Variants in PPFIA1 observed in about 807,000 individuals in gnomAD.
The protein encoded by PPFIA1 is liprin-alpha-1.
Under a neutral mutation model 149.9 loss-of-function variants are expected in PPFIA1, and 25 were observed. The observed-to-expected ratio is 0.17, with a 90% confidence interval of 0.12 to 0.23. The LOEUF (loss-of-function observed/expected upper bound fraction) is 0.23. Ranked by LOEUF, PPFIA1 falls within the 10% of genes least tolerant of loss-of-function variation. The pLI, the probability that PPFIA1 is intolerant of heterozygous loss-of-function variation, is 1.00. For synonymous variants in PPFIA1, 549 were observed against 552.8 expected (o/e 0.99, Z 0.10); for missense variants, 1,362 against 1,506.5 (o/e 0.90, Z 1.59).
intron 2 of PPFIA1, among the ~76,000 whole-genome samples, chr11:70,318,846 G>A (rs1343596737): frequency 1.3e-5 from 2 of 152,192 alleles, no homozygotes; most frequent in Admixed American, 6.5e-5. Context: ...GGGTTTCCTG[G>A]TTTTCCTCCT....
At chr11:70,353,059 GA>G (rs778846086) in intron 16 of PPFIA1, among the ~76,000 whole-genome samples, 20 of 152,200 alleles carry the variant, frequency 1.3e-4, no homozygotes, top group Non-Finnish European at 2.1e-4. Context: ...TGGAAATTAG[GA>G]AAGGATGCAG....
intron 19 of PPFIA1, chr11:70,358,381 C>T (rs1181404732): frequency 2.0e-5 from 3 of 152,116 alleles, no homozygotes; most frequent in African/African-American, 4.8e-5. Context: ...CCACCGTGCC[C>T]AGCTAATTTT....
chr11:70,380,036 C>T (rs900999428), intron 26 of PPFIA1, among the ~76,000 whole-genome samples: 8 of 152,212 alleles, frequency 5.3e-5, no homozygotes, highest in African/African-American at 1.7e-4. Context: ...GCTTCAATTT[C>T]AGTTTTCCTT....
intron 23 of PPFIA1, among the ~76,000 whole-genome samples, chr11:70,373,172 G>T (rs919911292): frequency 6.6e-6 from 1 of 152,174 alleles, no homozygotes; most frequent in Non-Finnish European, 1.5e-5. Context: ...TCTCTTCTCC[G>T]TTGGGGAGTC....
At chr11:70,361,391 G>A (rs1158451699) in intron 19 of PPFIA1, among the ~76,000 whole-genome samples, 2 of 152,082 alleles carry the variant, frequency 1.3e-5, no homozygotes, top group Non-Finnish European at 2.9e-5. Flanking sequence ...ATACCCAACG[G>A]AATGTAAGTG....
intron 15 of PPFIA1, 152 bp downstream of exon 15, chr11:70,344,044 G>A: frequency 1.2e-6 from 1 of 805,062 alleles, no homozygotes; most frequent in Non-Finnish European, 1.9e-6. Flanking sequence ...AGAATTTTAA[G>A]GTCTGAAATT....
chr11:70,349,243 C>T (rs1019734857), intron 16 of PPFIA1, among the ~76,000 whole-genome samples: 1 of 152,008 alleles, frequency 6.6e-6, no homozygotes, highest in Non-Finnish European at 1.5e-5. Context: ...TGGGCTTCTT[C>T]CCTTCACAGC....
intron 26 of PPFIA1, 134 bp downstream of exon 26, chr11:70,378,329 T>C (rs2057571875): frequency 7.5e-7 from 1 of 1,334,066 alleles, no homozygotes; most frequent in Non-Finnish European, 9.6e-7. Flanking sequence ...TGTCCAAATA[T>C]AAATGTTTTT....
At chr11:70,324,781 C>A in intron 3 of PPFIA1, 66 bp from the exon 4 acceptor site, 1 of 1,395,992 alleles carries the variant, frequency 7.2e-7, no homozygotes, top group Non-Finnish European at 9.7e-7. Flanking sequence ...GAGTTATTTG[C>A]CCCAGATTCA....
chr11:70,370,822 T>A (rs1005449012), intron 21 of PPFIA1, among the ~76,000 whole-genome samples: 47 of 152,288 alleles, frequency 3.1e-4, no homozygotes, highest in African/African-American at 1.0e-3. Context: ...TTTTAAAAAT[T>A]TTCTTTAAAT....
chr11:70,356,309 C>A (rs979691313), intron 19 of PPFIA1, 55 bp downstream of exon 19: 1 of 1,333,554 alleles, frequency 7.5e-7, no homozygotes, highest in Non-Finnish European at 1.1e-6. Flanking sequence ...TGTGCCTAAG[C>A]TCTAACTAGT....
At position 70,338,561 on chromosome 11, in the gene PPFIA1, G is replaced by A. The variant is rs539609961; in HGVS notation, c.1571+108G>A. 2.9e-5 allele frequency: 24 copies of A among 831,338 alleles called. No individual in the cohort carries two copies. The South Asian group carries it at 3.1e-4, about 11-fold the overall frequency. 51.5% of individuals were successfully genotyped at this position (831,338 alleles called of 1,614,324 possible). A position where few individuals can be genotyped will look rare whatever the true frequency, so the allele number is the denominator to read the frequency against. ...GTGGCTAATGGTGTGACCTCAAGGA[G>A]CCTGTAGCTTAGTAGGAAGCGAGAG... On this transcript the variant is annotated intron_variant, in intron 13 of 27. Transcript: ENST00000253925.
At chr11:70,367,134 TA>T (rs2056981771) in intron 21 of PPFIA1, among the ~76,000 whole-genome samples, 1 of 152,214 alleles carries the variant, frequency 6.6e-6, no homozygotes, top group African/African-American at 2.4e-5. Context: ...GTAAATTAAA[TA>T]AGCTTAACCT....
chr11:70,276,439 T>C (rs2050385479), intron 2 of PPFIA1, among the ~76,000 whole-genome samples: 1 of 152,188 alleles, frequency 6.6e-6, no homozygotes, highest in Non-Finnish European at 1.5e-5. Context: ...GTATTTTGTT[T>C]AGGATTATTG....
At chr11:70,298,876 G>GT (rs1286108462) in intron 2 of PPFIA1, among the ~76,000 whole-genome samples, 1 of 152,222 alleles carries the variant, frequency 6.6e-6, no homozygotes, top group Non-Finnish European at 1.5e-5. Context: ...CAGTAATTTA[G>GT]AGGGTAAGTG....
chr11:70,380,737 A>T (rs935086600), intron 26 of PPFIA1, among the ~76,000 whole-genome samples: 1 of 100,392 alleles, frequency 1.0e-5, no homozygotes, highest in African/African-American at 5.4e-5. Flanking sequence ...CTCTGTCTCA[A>T]AAAAAAAAAA....
intron 2 of PPFIA1, among the ~76,000 whole-genome samples, chr11:70,315,568 C>A (rs567717161): frequency 3.3e-5 from 5 of 151,996 alleles, no homozygotes; most frequent in African/African-American, 1.2e-4. Flanking sequence ...GCCTGAAGAT[C>A]ACAGTGTGAG....
chr11:70,287,980 A>G (rs2051261005), intron 2 of PPFIA1, among the ~76,000 whole-genome samples: 1 of 151,860 alleles, frequency 6.6e-6, no homozygotes, highest in Non-Finnish European at 1.5e-5. Context: ...GGCGTTTATA[A>G]GAGTTAAAGT....
At chr11:70,349,996 C>G (rs1465325677) in intron 16 of PPFIA1, 4 of 454,122 alleles carry the variant, frequency 8.8e-6, no homozygotes, top group African/African-American at 8.0e-5. Context: ...ACCTCCCCTC[C>G]CAGTTCCACC....
Sources: gnomAD v4.1 joint callset for allele counts (sites outside exome capture counted in the v4.1 genomes callset) on GRCh38, gnomAD v4.1.1 for gene constraint, MANE v1.5 for transcripts, NCBI Gene and HGNC (gene_info 2026-07-23, HGNC 2026-07-21) for gene names.